The following MEGF11 variants were observed in gnomAD, a reference collection of about 807,000 sequenced individuals.
The protein encoded by MEGF11 is multiple epidermal growth factor-like domains protein 11.
Under a neutral mutation model 146.6 loss-of-function variants are expected in MEGF11, and 126 were observed. That is an observed-to-expected ratio of 0.86 (90% confidence interval 0.74 to 1.00). The LOEUF (loss-of-function observed/expected upper bound fraction) is 1.00, where lower values mean the gene tolerates loss of function less well. MEGF11 is among the 50% of genes least tolerant of loss of function. The pLI, the probability that MEGF11 is intolerant of heterozygous loss-of-function variation, is 0.00. For synonymous variants in MEGF11, 532 were observed against 583.4 expected (o/e 0.91, Z 1.27); for missense variants, 1,509 against 1,521.2 (o/e 0.99, Z 0.13).
intron 6 of MEGF11, among the ~76,000 whole-genome samples, 152 bp from the exon 7 acceptor site, chr15:65,981,050 AG>A (rs2081620619): frequency 6.6e-6 from 1 of 152,180 alleles, no homozygotes; most frequent in South Asian, 2.1e-4. Context: ...CCCTGCCAGG[AG>A]GGGGAAGCAA....
intron 5 of MEGF11, among the ~76,000 whole-genome samples, chr15:66,052,325 T>C (rs1012376252): frequency 6.6e-6 from 1 of 152,116 alleles, no homozygotes; most frequent in African/African-American, 2.4e-5. Flanking sequence ...GGCCCAGCCG[T>C]CCTTGTTACT....
intron 5 of MEGF11, among the ~76,000 whole-genome samples, chr15:65,986,793 CTT>C (rs34991788): frequency 3.2e-4 from 39 of 121,310 alleles, no homozygotes; most frequent in Non-Finnish European, 4.9e-4. Flanking sequence ...CTGATTTTTC[CTT>C]TTTTTTTTTT....
At chr15:66,020,723 T>G (rs1209850893) in intron 5 of MEGF11, among the ~76,000 whole-genome samples, 2 of 152,262 alleles carry the variant, frequency 1.3e-5, no homozygotes. Context: ...CCGGGCGCAG[T>G]GGCTCACGCC....
rs144280484 is a variant in MEGF11 at position 66,046,941 on chromosome 15, G to T, written c.394+47461C>A. ...ACAACAAGGACAGGGAGGTCCCCAG[G>T]TTCCCCCTGCAGGTGACACACTGCT... On this transcript the variant is annotated intron_variant, in intron 5 of 25. Coordinates refer to ENST00000395614, the MANE Select transcript of MEGF11 (RefSeq NM_001385028.1). Among the ~76,000 whole-genome samples, 1,453 of 152,226 alleles carry T rather than the reference G, an allele frequency of 9.5e-3. 7 individuals carry two copies. The highest frequency in any genetic ancestry group is 0.012 in the Non-Finnish European group (829 of 68,012).
chr15:65,932,931 A>C (rs897543062), intron 10 of MEGF11, among the ~76,000 whole-genome samples: 1 of 152,256 alleles, frequency 6.6e-6, no homozygotes, highest in Admixed American at 6.5e-5. Flanking sequence ...CCAGATATGT[A>C]CTGCCCGTCT....
At chr15:65,925,465 A>G (rs1199438965) in intron 13 of MEGF11, among the ~76,000 whole-genome samples, 1 of 152,240 alleles carries the variant, frequency 6.6e-6, no homozygotes, top group Non-Finnish European at 1.5e-5. Context: ...CTAAGTGGAA[A>G]GAAGGGTCAA....
chr15:66,037,708 C>T (rs1446789505), intron 5 of MEGF11, among the ~76,000 whole-genome samples: 1 of 152,228 alleles, frequency 6.6e-6, no homozygotes, highest in African/African-American at 2.4e-5. Flanking sequence ...CAGCCCTCGG[C>T]AGGCAGGAGT....
chr15:66,080,099 A>G (rs56027285), intron 5 of MEGF11, among the ~76,000 whole-genome samples: 17,998 of 152,240 alleles, frequency 0.12, 1,271 homozygotes, highest in South Asian at 0.21. Flanking sequence ...AGAGATGGAC[A>G]TCAAGGCCGG....
In MEGF11 at chr15:65,895,394, TTCATAGTC is replaced by T. The variant is rs759757217; in HGVS notation, c.*2532_*2539del. The stretch of plus-strand genomic sequence containing the variant: ...CTGTGATTTAAAAAAGTATTGCCGT[TTCATAGTC>T]TCATTAATACCTCTGTACAATAATG... On this transcript the variant is annotated 3_prime_UTR_variant, in exon 26 of 26. Coordinates refer to ENST00000395614, the MANE Select transcript of MEGF11 (RefSeq NM_001385028.1). The T allele has an allele frequency of 4.6e-5, 7 of 152,678 alleles. No individual in the cohort carries two copies. Among genetic ancestry groups the T allele is most frequent in the Non-Finnish European group, 7.3e-5 (5 of 68,048 alleles). The allele number at this position is 152,678 out of a possible 1,614,324, so 9.5% of individuals were successfully genotyped here. A position where few individuals can be genotyped will look rare whatever the true frequency, so the allele number is the denominator to read the frequency against.
chr15:65,933,402 C>T (rs1434384504), intron 10 of MEGF11, among the ~76,000 whole-genome samples: 1 of 152,238 alleles, frequency 6.6e-6, no homozygotes. Context: ...ACCCTGATCT[C>T]CCTGCAAGGC....
At chr15:66,081,921 T>A (rs2085873496) in intron 5 of MEGF11, among the ~76,000 whole-genome samples, 1 of 152,016 alleles carries the variant, frequency 6.6e-6, no homozygotes, top group Admixed American at 6.6e-5. Context: ...AGGGCACTGA[T>A]CTAAAGAAGA....
rs2079001451 is a variant in MEGF11 at position 65,916,481 on chromosome 15, G to A, written c.2216-205C>T. On this transcript the variant is annotated intron_variant, in intron 17 of 25. Transcript: ENST00000395614. The stretch of plus-strand genomic sequence containing the variant: ...TGATCGTTGCCTTTCCAAGACAGAG[G>A]GGCCTTGGAACCACAGGTCAGGCTA... 4.2e-6 allele frequency: 3 copies of A among 719,660 alleles called. No homozygotes were observed. In the East Asian group the frequency reaches 8.2e-5, roughly 20 times the overall value. 44.6% of individuals were successfully genotyped at this position (719,660 alleles called of 1,614,324 possible).
intron 5 of MEGF11, among the ~76,000 whole-genome samples, chr15:66,005,255 G>A (rs568999584): frequency 6.6e-6 from 1 of 152,264 alleles, no homozygotes; most frequent in South Asian, 2.1e-4. Context: ...GCCTTAAACT[G>A]AAAAATACAG....
intron 4 of MEGF11, among the ~76,000 whole-genome samples, chr15:66,111,215 A>C (rs1281871532): frequency 6.6e-6 from 1 of 152,164 alleles, no homozygotes; most frequent in Non-Finnish European, 1.5e-5. Flanking sequence ...GCGCCGGCTA[A>C]ACCACCAGAC....
intron 5 of MEGF11, among the ~76,000 whole-genome samples, chr15:66,012,526 G>A (rs945442205): frequency 2.6e-5 from 4 of 152,212 alleles, no homozygotes; most frequent in Non-Finnish European, 5.9e-5. Flanking sequence ...TGTGTCAATC[G>A]ATTTCCTATT....
chr15:65,929,692 A>G, intron 12 of MEGF11, 28 bp downstream of exon 12: 2 of 1,543,196 alleles, frequency 1.3e-6, no homozygotes, highest in Non-Finnish European at 1.8e-6. Flanking sequence ...GCGGAGCCCA[A>G]CCTGTCCCTC....
intron 5 of MEGF11, among the ~76,000 whole-genome samples, chr15:65,994,927 A>T (rs908081451): frequency 2.0e-5 from 3 of 152,230 alleles, no homozygotes; most frequent in Non-Finnish European, 4.4e-5. Flanking sequence ...GATTGGATGT[A>T]GGGTCCAGAC....
At chr15:66,067,207 C>CT (rs2085165034) in intron 5 of MEGF11, among the ~76,000 whole-genome samples, 2 of 152,312 alleles carry the variant, frequency 1.3e-5, no homozygotes, top group Admixed American at 1.3e-4. Flanking sequence ...TTGCCCAGGT[C>CT]TAATGTTTGA....
intron 5 of MEGF11, among the ~76,000 whole-genome samples, chr15:66,016,501 G>A (rs62011102): frequency 8.8e-5 from 5 of 57,098 alleles, no homozygotes; most frequent in Admixed American, 2.0e-4. Context: ...TTTTTTTTTG[G>A]AAGCAAGGAG....
Sources: gnomAD v4.1 joint callset for allele counts (sites outside exome capture counted in the v4.1 genomes callset) on GRCh38, gnomAD v4.1.1 for gene constraint, MANE v1.5 for transcripts, NCBI Gene and HGNC (gene_info 2026-07-23, HGNC 2026-07-21) for gene names.